Variants in ST6GAL2 observed in about 807,000 individuals in gnomAD.
The protein encoded by ST6GAL2 is beta-galactoside alpha-2,6-sialyltransferase 2.
Under a neutral mutation model 37.5 loss-of-function variants are expected in ST6GAL2, and 24 were observed. That is an observed-to-expected ratio of 0.64 (90% CI 0.46 to 0.90). The LOEUF is 0.90. ST6GAL2 is among the 40% of genes least tolerant of loss of function. The pLI is 0.00. For synonymous variants in ST6GAL2, 306 were observed against 295.1 expected (o/e 1.04, Z -0.38); for missense variants, 715 against 712.7 (o/e 1.00, Z -0.04).
intron 1 of ST6GAL2, among the ~76,000 whole-genome samples, chr2:106,881,031 G>C (rs1678729439): frequency 6.7e-6 from 1 of 149,584 alleles, no homozygotes; most frequent in East Asian, 1.9e-4. Flanking sequence ...TGTCACCCAG[G>C]CTGGAGTGCA....
chr2:106,860,571 G>A (rs536450272), intron 1 of ST6GAL2, among the ~76,000 whole-genome samples: 3 of 152,130 alleles, frequency 2.0e-5, no homozygotes, highest in Non-Finnish European at 4.4e-5. Context: ...ACCACGTACT[G>A]CAACACGGGC....
chr2:106,818,079 A>G (rs1675871723), intron 5 of ST6GAL2, among the ~76,000 whole-genome samples: 1 of 152,160 alleles, frequency 6.6e-6, no homozygotes, highest in African/African-American at 2.4e-5. Flanking sequence ...TAGAATCCTA[A>G]GTTTCCGACT....
chr2:106,861,832 G>A (rs948658992), intron 1 of ST6GAL2, among the ~76,000 whole-genome samples: 4 of 151,874 alleles, frequency 2.6e-5, no homozygotes, highest in Admixed American at 1.3e-4. Context: ...GGGTTTTACC[G>A]TGTTGGCCAG....
At chr2:106,880,218 G>A (rs1312722680) in intron 1 of ST6GAL2, among the ~76,000 whole-genome samples, 1 of 151,760 alleles carries the variant, frequency 6.6e-6, no homozygotes, top group African/African-American at 2.4e-5. Context: ...TAATTATTTT[G>A]CCTATGTCTA....
intron 5 of ST6GAL2, among the ~76,000 whole-genome samples, chr2:106,807,633 T>C (rs1675462146): frequency 1.3e-5 from 2 of 148,654 alleles, no homozygotes; most frequent in African/African-American, 4.9e-5. Flanking sequence ...ATTTTATTCT[T>C]TTTTTTTTTT....
At chr2:106,871,359 A>G (rs1217273009) in intron 1 of ST6GAL2, among the ~76,000 whole-genome samples, 1 of 152,210 alleles carries the variant, frequency 6.6e-6, no homozygotes, top group African/African-American at 2.4e-5. Flanking sequence ...TAGACTTTAT[A>G]AACACTGTTC....
At chr2:106,834,908 C>T (rs901278670) in intron 2 of ST6GAL2, 1 of 152,180 alleles carries the variant, frequency 6.6e-6, no homozygotes, top group Non-Finnish European at 1.5e-5. Flanking sequence ...CATCTCACTT[C>T]GTTCAACTTG....
At chr2:106,842,939 C>T in intron 2 of ST6GAL2, 96 bp downstream of exon 2, 1 of 919,478 alleles carries the variant, frequency 1.1e-6, no homozygotes, top group Non-Finnish European at 1.5e-6. Context: ...CCCCAGCTTG[C>T]CCCGTCAGAG....
intron 5 of ST6GAL2, among the ~76,000 whole-genome samples, chr2:106,829,285 T>C (rs1342563787): frequency 6.6e-6 from 1 of 152,242 alleles, no homozygotes; most frequent in Non-Finnish European, 1.5e-5. Flanking sequence ...TGTGATGCTG[T>C]ACCAGTTACT....
intron 1 of ST6GAL2, among the ~76,000 whole-genome samples, chr2:106,853,304 G>A (rs762293379): frequency 1.9e-4 from 29 of 152,144 alleles, no homozygotes; most frequent in African/African-American, 6.5e-4. Context: ...ACTGCCAGGC[G>A]GATTTTGCCT....
At chr2:106,828,506 T>C (rs1449064761) in intron 5 of ST6GAL2, among the ~76,000 whole-genome samples, 1 of 152,182 alleles carries the variant, frequency 6.6e-6, no homozygotes, top group Non-Finnish European at 1.5e-5. Flanking sequence ...AGGAAAATAA[T>C]ATGCAGTCAT....
rs189725386 is a variant in ST6GAL2 at position 106,844,475 on chromosome 2, C to A, written c.-57-441G>T. Reference sequence around the variant, plus strand: ...CCCCTTTTGTCTGCCTATCAGACCACCGAAAGCTCAGAGCTCATAGATTTT... The same window carrying A: ...CCCCTTTTGTCTGCCTATCAGACCAACGAAAGCTCAGAGCTCATAGATTTT... On this transcript the variant is annotated intron_variant, in intron 1 of 5. Coordinates refer to ENST00000409382, the MANE Select transcript of ST6GAL2 (RefSeq NM_001142351.2). Among the ~76,000 whole-genome samples, 626 of 152,260 alleles carry A rather than the reference C, an allele frequency of 4.1e-3. 6 individuals carry two copies. The highest frequency in any genetic ancestry group is 0.014 in the African/African-American group (597 of 41,544).
At chr2:106,864,065 C>G (rs1291499666) in intron 1 of ST6GAL2, among the ~76,000 whole-genome samples, 2 of 152,144 alleles carry the variant, frequency 1.3e-5, no homozygotes, top group Non-Finnish European at 2.9e-5. Flanking sequence ...AGAAGGGATC[C>G]AGGGAGTAAA....
intron 2 of ST6GAL2, among the ~76,000 whole-genome samples, chr2:106,842,735 C>A (rs1164209794): frequency 6.6e-6 from 1 of 152,118 alleles, no homozygotes; most frequent in Non-Finnish European, 1.5e-5. Flanking sequence ...CAAAGGGCGG[C>A]GCTTTCCTTC....
At chr2:106,835,601 T>C (rs1392998308) in intron 2 of ST6GAL2, among the ~76,000 whole-genome samples, 1 of 152,248 alleles carries the variant, frequency 6.6e-6, no homozygotes, top group African/African-American at 2.4e-5. Flanking sequence ...TGGCAAACTA[T>C]GACCTTCTGG....
chr2:106,881,252 G>C (rs1302215133), intron 1 of ST6GAL2, among the ~76,000 whole-genome samples: 1 of 152,172 alleles, frequency 6.6e-6, no homozygotes, highest in East Asian at 1.9e-4. Context: ...GCCTCCCAAA[G>C]TGTTGGGATT....
chr2:106,821,674 C>T (rs1445092725), intron 5 of ST6GAL2, among the ~76,000 whole-genome samples: 1 of 151,666 alleles, frequency 6.6e-6, no homozygotes, highest in Admixed American at 6.6e-5. Context: ...TTCTACAAGC[C>T]GTCCTGATAC....
chr2:106,882,998 G>A (rs1678815110), intron 1 of ST6GAL2, among the ~76,000 whole-genome samples: 1 of 152,196 alleles, frequency 6.6e-6, no homozygotes, highest in East Asian at 1.9e-4. Flanking sequence ...ACCTGCAGGT[G>A]GCAAAGTGAA....
intron 5 of ST6GAL2, among the ~76,000 whole-genome samples, chr2:106,808,681 CA>C (rs1232163063): frequency 6.6e-6 from 1 of 152,288 alleles, no homozygotes; most frequent in East Asian, 1.9e-4. Flanking sequence ...GTGCAGTGGT[CA>C]AAAGTCTGCC....
Sources: gnomAD v4.1 joint callset for allele counts (sites outside exome capture counted in the v4.1 genomes callset) on GRCh38, gnomAD v4.1.1 for gene constraint, MANE v1.5 for transcripts, NCBI Gene and HGNC (gene_info 2026-07-23, HGNC 2026-07-21) for gene names.